BEST3: variants seen among roughly 807,000 people sequenced by gnomAD.
BEST3 encodes the protein bestrophin-3.
A neutral mutation model predicts 47.1 loss-of-function variants in BEST3; 50 were observed. That is an observed-to-expected ratio of 1.06 (90% CI 0.85 to 1.34). BEST3 has a LOEUF of 1.34. BEST3 is among the 40% of genes most tolerant of loss of function. BEST3 has a pLI of 0.00. For missense variants in BEST3, 765 were observed against 817.0 expected, an observed-to-expected ratio of 0.94 and a Z score of 0.78; for synonymous variants, 282 against 298.8, an observed-to-expected ratio of 0.94 and a Z score of 0.58.
intron 4 of BEST3, chr12:69,684,258 C>A: frequency 3.3e-6 from 1 of 307,320 alleles, no homozygotes; most frequent in African/African-American, 2.1e-5. Flanking sequence ...TGTTTATCCC[C>A]AAATCCCTCC....
rs755555260 is a variant in BEST3, at chr12:69,677,234, C to T, written c.660G>A (p.Trp220Ter). ...LMTEMNRYRS[W>*]CSLLFGYDWV... is the part of the protein sequence containing the mutation. Reference sequence around the variant, plus strand: ...AGTCATAACCGAATAAGAGGCTGCACCAAGAGCGGTATCGATTCATTTCCT... The same window carrying T: ...AGTCATAACCGAATAAGAGGCTGCATCAAGAGCGGTATCGATTCATTTCCT... Residue 220 changes from tryptophan (W) to a stop codon, truncating the protein, a stop_gained, in exon 6 of 10, where the codon TGG becomes TGA. Coordinates refer to ENST00000330891, the MANE Select transcript of BEST3 (RefSeq NM_032735.3). LOFTEE classifies it high-confidence loss of function. 2.5e-6 allele frequency: 4 copies of T among 1,613,212 alleles called. No individual in the cohort carries two copies. In the Admixed American group the frequency reaches 5.0e-5, roughly 20 times the overall value.
intron 9 of BEST3, among the ~76,000 whole-genome samples, chr12:69,668,711 C>A (rs1422245546): frequency 1.3e-5 from 2 of 152,128 alleles, no homozygotes; most frequent in Non-Finnish European, 2.9e-5. Context: ...TGACTATAAC[C>A]CTTGGTTCAA....
chr12:69,666,752 G>A (rs918864645), intron 9 of BEST3, among the ~76,000 whole-genome samples: 1 of 152,138 alleles, frequency 6.6e-6, no homozygotes, highest in African/African-American at 2.4e-5. Flanking sequence ...CATGTGAATT[G>A]CCCATAGAGG....
chr12:69,664,149 C>A (rs935589882), intron 9 of BEST3, among the ~76,000 whole-genome samples: 2 of 152,126 alleles, frequency 1.3e-5, no homozygotes, highest in African/African-American at 2.4e-5. Flanking sequence ...GATTTTGAAG[C>A]TGATTTTTAA....
Position 69,654,498 on chromosome 12 carries a change from A to G in BEST3, c.*409T>C. The G allele has an allele frequency of 1.0e-6, 1 of 989,562 alleles. No homozygotes were observed. Among genetic ancestry groups the G allele is most frequent in the Non-Finnish European group, 1.2e-6 (1 of 832,860 alleles). 61.3% of individuals were successfully genotyped at this position (989,562 alleles called of 1,614,324 possible). A position where few individuals can be genotyped will look rare whatever the true frequency, so the allele number is the denominator to read the frequency against. ...TTTCTTTATGGCTAAAGAAAAAAAG[A>G]AAGAGAAAAAAGAAGAGAAATAGAG... On this transcript the variant is annotated 3_prime_UTR_variant, in exon 10 of 10. Coordinates refer to ENST00000330891, the MANE Select transcript of BEST3 (RefSeq NM_032735.3).
intron 7 of BEST3, among the ~76,000 whole-genome samples, chr12:69,675,741 G>A (rs1014133987): frequency 6.6e-5 from 10 of 152,092 alleles, no homozygotes; most frequent in African/African-American, 2.4e-4. Flanking sequence ...AAATTCTTTT[G>A]CCATTTGTAA....
intron 9 of BEST3, chr12:69,670,695 A>T (rs1884513565): frequency 1.9e-6 from 1 of 518,960 alleles, no homozygotes; most frequent in Non-Finnish European, 3.4e-6. Flanking sequence ...GCCTCAGGGA[A>T]CTATGAGCCA....
rs190845296 is a variant in BEST3, at chr12:69,670,334, A to C, written c.1100+1094T>G. Reference sequence around the variant, plus strand: ...GAAGGCTAGCTAGAAGCAGAAGCAAATCTAGCCTGGAGTAGGCAACCTTCT... The same window carrying C: ...GAAGGCTAGCTAGAAGCAGAAGCAACTCTAGCCTGGAGTAGGCAACCTTCT... On this transcript the variant is annotated intron_variant, in intron 9 of 9. Coordinates refer to ENST00000330891, the MANE Select transcript of BEST3 (RefSeq NM_032735.3). 14 of 644,126 alleles carry C rather than the reference A, an allele frequency of 2.2e-5. No homozygotes were observed. In the East Asian group the frequency reaches 3.5e-4, roughly 16 times the overall value. 39.9% of individuals were successfully genotyped at this position (644,126 alleles called of 1,614,324 possible).
intron 9 of BEST3, among the ~76,000 whole-genome samples, chr12:69,661,673 G>A (rs1205489401): frequency 6.6e-6 from 1 of 152,168 alleles, no homozygotes; most frequent in Admixed American, 6.5e-5. Flanking sequence ...GGGAGGTGTG[G>A]GGCTAAGGGT....
chr12:69,644,344 A>G (rs1882966535), intron 9 of BEST3, among the ~76,000 whole-genome samples: 1 of 152,210 alleles, frequency 6.6e-6, no homozygotes, highest in African/African-American at 2.4e-5. Context: ...TAAATGTGCT[A>G]AGTAATTGTT....
At chr12:69,666,519 C>T (rs1466129577) in intron 9 of BEST3, among the ~76,000 whole-genome samples, 1 of 152,202 alleles carries the variant, frequency 6.6e-6, no homozygotes, top group Non-Finnish European at 1.5e-5. Context: ...CCTTTGGCCT[C>T]TTGGCAGGGC....
intron 9 of BEST3, among the ~76,000 whole-genome samples, chr12:69,664,094 G>T (rs17106910): frequency 0.055 from 8,378 of 152,212 alleles, 761 homozygotes; most frequent in African/African-American, 0.19. Context: ...CTATTTTGGG[G>T]ACTGCATTCA....
At chr12:69,680,944 TA>T (rs1412625169) in intron 4 of BEST3, among the ~76,000 whole-genome samples, 3 of 75,026 alleles carry the variant, frequency 4.0e-5, no homozygotes, top group Non-Finnish European at 9.2e-5. Context: ...CATTAATTAA[TA>T]GTTAATAGTA....
intron 7 of BEST3, among the ~76,000 whole-genome samples, chr12:69,676,072 C>T (rs1410780094): frequency 1.3e-5 from 2 of 152,146 alleles, no homozygotes; most frequent in African/African-American, 4.8e-5. Context: ...GATATTTACA[C>T]ACATACATTT....
At chr12:69,686,779 C>CAAAAAAAAAAAAACA (rs71094728) in intron 4 of BEST3, among the ~76,000 whole-genome samples, 32,420 of 98,868 alleles carry the variant, frequency 0.33, 4,899 homozygotes, top group Admixed American at 0.44. Flanking sequence ...CTCAAAAAAA[C>CAAAAAAAAAAAAACA]AAAAAAAAAA....
intron 9 of BEST3, chr12:69,661,130 A>G (rs1373453): frequency 0.14 from 20,546 of 152,156 alleles, 1,669 homozygotes; most frequent in East Asian, 0.23. Context: ...TAATATAGAA[A>G]GACAAAAATA....
intron 9 of BEST3, among the ~76,000 whole-genome samples, chr12:69,656,183 A>C (rs965652950): frequency 1.3e-5 from 2 of 151,966 alleles, no homozygotes; most frequent in Non-Finnish European, 2.9e-5. Flanking sequence ...TCCACTGGAC[A>C]CTCTTGACAG....
At chr12:69,678,252 A>T (rs1885037894) in intron 5 of BEST3, among the ~76,000 whole-genome samples, 1 of 151,882 alleles carries the variant, frequency 6.6e-6, no homozygotes. Flanking sequence ...TTTTTTTCAG[A>T]TGATTTCAGG....
rs1460021614 is a variant in BEST3 at position 69,693,792 on chromosome 12, C to T, written c.363G>A (p.Gly121=). 5.0e-6 allele frequency: 8 copies of T among 1,614,060 alleles called. No individual in the cohort carries two copies. Among genetic ancestry groups the T allele is most frequent in the Admixed American group, 1.7e-5 (1 of 60,000 alleles). Residue 121 remains glycine (G), a synonymous_variant, in exon 4 of 10, where the codon GGG becomes GGA. Transcript: ENST00000330891. ...GCATCAGCGTCCTTCTAAGCAGGCG[C>T]CCGTGCTCGTCGCTTCCGTGAACAC... is the stretch of plus-strand genomic sequence containing the variant. ...SSSVHGSDEH[G]RLLRRTLMRY... is the part of the protein sequence containing the mutation.
Sources: gnomAD v4.1 joint callset for allele counts (sites outside exome capture counted in the v4.1 genomes callset) on GRCh38, gnomAD v4.1.1 for gene constraint, MANE v1.5 for transcripts, NCBI Gene and HGNC (gene_info 2026-07-23, HGNC 2026-07-21) for gene names.